Variants in STK32B observed in about 807,000 individuals in gnomAD.
STK32B encodes serine/threonine kinase 32B.
STK32B carries 43 observed loss-of-function variants against 52.6 expected under a neutral mutation model. The observed-to-expected ratio is 0.82, with a 90% CI of 0.64 to 1.05. The LOEUF (loss-of-function observed/expected upper bound fraction) is 1.05, where lower values mean the gene tolerates loss of function less well. STK32B is among the 50% of genes least tolerant of loss of function. STK32B has a pLI of 0.00. For synonymous variants in STK32B, 238 were observed against 204.3 expected (o/e 1.17, Z -1.41); for missense variants, 621 against 534.6 (o/e 1.16, Z -1.59).
chr4:5,285,589 A>G (rs2108876546), intron 3 of STK32B, among the ~76,000 whole-genome samples: 1 of 152,342 alleles, frequency 6.6e-6, no homozygotes, highest in African/African-American at 2.4e-5. Context: ...CATAAGAACA[A>G]TTCACATTTC....
At chr4:5,196,480 T>G (rs1049087957) in intron 3 of STK32B, among the ~76,000 whole-genome samples, 2 of 151,860 alleles carry the variant, frequency 1.3e-5, no homozygotes, top group Non-Finnish European at 2.9e-5. Context: ...CCCAGCACTT[T>G]AGGAGGCCAC....
intron 3 of STK32B, among the ~76,000 whole-genome samples, chr4:5,271,257 A>G (rs542973881): frequency 6.6e-6 from 1 of 152,288 alleles, no homozygotes; most frequent in South Asian, 2.1e-4. Flanking sequence ...AAGTATCTTT[A>G]TAATAACAAC....
intron 3 of STK32B, among the ~76,000 whole-genome samples, chr4:5,246,448 A>G (rs2108825014): frequency 6.6e-6 from 1 of 152,134 alleles, no homozygotes; most frequent in South Asian, 2.1e-4. Context: ...ACTTCTCTGC[A>G]TTGGTTTTTC....
rs186416163 is a variant in STK32B, at chr4:5,107,613, G to A, written c.53-32292G>A. Among the ~76,000 whole-genome samples, 253 of 152,232 alleles carry A rather than the reference G, an allele frequency of 1.7e-3. 3 individuals carry two copies. The highest frequency in any genetic ancestry group is 5.8e-3 in the African/African-American group (241 of 41,526). On this transcript the variant is annotated intron_variant, in intron 1 of 11. Transcript: ENST00000282908. ...GATAATTAACAAGAATTACAAAATG[G>A]TAACATTTAATATATCATTCTTTCT...
intron 2 of STK32B, among the ~76,000 whole-genome samples, chr4:5,153,520 C>A: frequency 6.7e-6 from 1 of 150,234 alleles, no homozygotes. Flanking sequence ...AAAAAAAAAG[C>A]TCTAAAGAAA....
chr4:5,023,220 A>T, the STK32B span, among the ~76,000 whole-genome samples: 1 of 152,152 alleles, frequency 6.6e-6, no homozygotes, highest in Non-Finnish European at 1.5e-5. Flanking sequence ...GAATTGTAAG[A>T]TCATAAATTC....
chr4:5,400,818 T>C lies in STK32B; in HGVS notation c.472+2574T>C, dbSNP rs768068436. On this transcript the variant is annotated intron_variant, in intron 5 of 11. Coordinates refer to ENST00000282908, the MANE Select transcript of STK32B (RefSeq NM_018401.3). This position sits in a 1 kb window ranked among gnomAD's most constrained non-coding sequence, Gnocchi z 6.1. The stretch of plus-strand genomic sequence containing the variant: ...GCCTTTGTCTTTCCCTCAGTAAACA[T>C]CTCTTGAGCACCTGCTGTGTGCCAA... Among the ~76,000 whole-genome samples the C allele has an allele frequency of 4.6e-5, 7 of 152,142 alleles. No individual in the cohort carries two copies. The highest frequency in any genetic ancestry group is 1.0e-4 in the Non-Finnish European group (7 of 68,040).
Position 5,466,798 on chromosome 4 carries a change from C to G in STK32B, c.1005C>G (p.Asn335Lys). Residue 335 changes from asparagine (N) to lysine (K), a missense_variant, in exon 10 of 12, where the codon AAC becomes AAG. Transcript: ENST00000282908. ...LHKKKKRLAK[N>K]RSRDGTKDSC... Reference sequence around the variant, plus strand: ...AAAAGAAGAAGCGATTGGCAAAGAACAGATCCAGGGATGGCACAAAGGACA... The same window carrying G: ...AAAAGAAGAAGCGATTGGCAAAGAAGAGATCCAGGGATGGCACAAAGGACA... 6.2e-7 allele frequency: 1 copy of G among 1,614,014 alleles called. No homozygotes were observed. Among genetic ancestry groups the G allele is most frequent in the Non-Finnish European group, 8.5e-7 (1 of 1,179,944 alleles).
intron 3 of STK32B, among the ~76,000 whole-genome samples, chr4:5,297,506 C>G (rs191866114): frequency 5.3e-4 from 80 of 151,876 alleles, no homozygotes; most frequent in African/African-American, 1.9e-3. Context: ...CTTGTCTTCA[C>G]GCTTTATTTT....
rs1033315861 is a variant in STK32B at position 5,398,951 on chromosome 4, C to T, written c.472+707C>T. On this transcript the variant is annotated intron_variant, in intron 5 of 11. Coordinates refer to ENST00000282908, the MANE Select transcript of STK32B (RefSeq NM_018401.3). This position sits in a 1 kb window ranked among gnomAD's most constrained non-coding sequence, Gnocchi z 4.9. Reference sequence around the variant, plus strand: ...GCCTTACCAGAATTACCTGGGGGACCTGGTAAAAATCAGAGGTCAGGCCCG... The same window carrying T: ...GCCTTACCAGAATTACCTGGGGGACTTGGTAAAAATCAGAGGTCAGGCCCG... Among the ~76,000 whole-genome samples the T allele has an allele frequency of 5.3e-5, 8 of 152,292 alleles. No individual in the cohort carries two copies. In the East Asian group the frequency reaches 1.5e-3, roughly 29 times the overall value.
chr4:5,024,547 C>A, the STK32B span, among the ~76,000 whole-genome samples: 1 of 152,228 alleles, frequency 6.6e-6, no homozygotes, highest in African/African-American at 2.4e-5. Context: ...AAAGCCAGGC[C>A]CTGTCCTGAG....
intron 2 of STK32B, among the ~76,000 whole-genome samples, chr4:5,141,074 A>AT (rs1429718296): frequency 1.3e-5 from 2 of 152,328 alleles, no homozygotes; most frequent in Admixed American, 6.5e-5. Flanking sequence ...CACTAACCAC[A>AT]TGTGGATATT....
the STK32B span, among the ~76,000 whole-genome samples, chr4:5,028,711 G>A: frequency 1.3e-5 from 2 of 152,228 alleles, no homozygotes; most frequent in African/African-American, 2.4e-5. Flanking sequence ...TAAGGACTAG[G>A]AGTTGTTTGT....
chr4:5,269,381 CA>C (rs1187528075), intron 3 of STK32B, among the ~76,000 whole-genome samples: 1 of 152,116 alleles, frequency 6.6e-6, no homozygotes, highest in African/African-American at 2.4e-5. Context: ...TCCTCTCTAA[CA>C]AAAAGCGAGA....
chr4:5,105,600 C>G (rs75139963), intron 1 of STK32B, among the ~76,000 whole-genome samples: 5,556 of 151,926 alleles, frequency 0.037, 235 homozygotes, highest in East Asian at 0.22. Flanking sequence ...GTATCGCACT[C>G]TCACCCAGGC....
At chr4:5,052,403 C>A (rs1452438752) in intron 1 of STK32B, among the ~76,000 whole-genome samples, 3 of 152,100 alleles carry the variant, frequency 2.0e-5, no homozygotes, top group Non-Finnish European at 4.4e-5. Context: ...CTCAATCACC[C>A]AGGACAGAGG....
In STK32B at chr4:5,084,414, T is replaced by C. The variant is rs374983904; in HGVS notation, c.52+32499T>C. ...TAGATAGTTAACATGAGTGGAAATA[T>C]TCAGTAAATTATGATAATTCCCTAA... On this transcript the variant is annotated intron_variant, in intron 1 of 11. Transcript: ENST00000282908. Among the ~76,000 whole-genome samples the C allele has an allele frequency of 2.0e-4, 31 of 152,296 alleles. No homozygotes were observed. In the South Asian group the frequency reaches 6.2e-3, roughly 31 times the overall value.
At chr4:5,314,256 G>A (rs1730510076) in intron 3 of STK32B, among the ~76,000 whole-genome samples, 1 of 152,138 alleles carries the variant, frequency 6.6e-6, no homozygotes, top group South Asian at 2.1e-4. Flanking sequence ...ACACAAATAT[G>A]CCCAACTGCA....
intron 11 of STK32B, among the ~76,000 whole-genome samples, chr4:5,471,146 T>G (rs925392353): frequency 6.6e-6 from 1 of 152,252 alleles, no homozygotes; most frequent in Non-Finnish European, 1.5e-5. Flanking sequence ...CAGAATTGTC[T>G]GAGGGCCTGT....
Sources: allele counts gnomAD v4.1 joint callset (sites outside exome capture counted in the v4.1 genomes callset), GRCh38; gene constraint gnomAD v4.1.1; non-coding constraint Gnocchi (gnomAD v3.1); transcripts MANE v1.5; gene names NCBI Gene and HGNC (gene_info 2026-07-23, HGNC 2026-07-21).